Variants in CCDC178 observed in about 807,000 individuals in gnomAD.
CCDC178 encodes coiled-coil domain containing 178, also known as coiled-coil domain-containing protein 178.
In CCDC178, 126 loss-of-function variants were observed where a neutral mutation model predicts 117.4. That is an observed-to-expected ratio of 1.07 (90% CI 0.93 to 1.24). The LOEUF (loss-of-function observed/expected upper bound fraction) is 1.24. Among genes scored for constraint, CCDC178 ranks in the 50% most tolerant of loss-of-function variants. The pLI, the probability that CCDC178 is intolerant of heterozygous loss-of-function variation, is 0.00. For missense variants in CCDC178, 1,030 were observed against 986.9 expected (o/e 1.04, Z -0.59); for synonymous variants, 283 against 313.4 (o/e 0.90, Z 1.02).
chr18:33,147,141 C>CT (rs963180337), intron 20 of CCDC178, among the ~76,000 whole-genome samples: 17,432 of 117,318 alleles, frequency 0.15, 1,666 homozygotes, highest in East Asian at 0.28. Flanking sequence ...TAGCTGATTT[C>CT]TTTTTTTTTT....
intron 5 of CCDC178, among the ~76,000 whole-genome samples, chr18:33,377,160 C>T (rs922647067): frequency 6.6e-6 from 1 of 152,092 alleles, no homozygotes; most frequent in African/African-American, 2.4e-5. Context: ...GTATGAGATG[C>T]TATCTCATTG....
intron 21 of CCDC178, among the ~76,000 whole-genome samples, chr18:33,046,126 A>G (rs1350764047): frequency 6.6e-6 from 1 of 152,228 alleles, no homozygotes; most frequent in African/African-American, 2.4e-5. Flanking sequence ...CTTTACGAAC[A>G]TGAAATAAAT....
intron 11 of CCDC178, among the ~76,000 whole-genome samples, chr18:33,317,926 A>C (rs187274479): frequency 1.3e-5 from 2 of 152,230 alleles, no homozygotes; most frequent in South Asian, 2.1e-4. Flanking sequence ...CCTCATTATA[A>C]TCTCATTTCC....
intron 21 of CCDC178, among the ~76,000 whole-genome samples, chr18:33,049,893 C>G (rs1259633761): frequency 6.6e-6 from 1 of 151,122 alleles, no homozygotes. Context: ...ACCAGCCTGG[C>G]CAACATGGTG....
intron 7 of CCDC178, 40 bp from the exon 8 acceptor site, chr18:33,349,015 A>T (rs746047988): frequency 1.5e-6 from 2 of 1,312,208 alleles, no homozygotes; most frequent in Non-Finnish European, 2.1e-6. Flanking sequence ...AGAAGTACTT[A>T]AAGTTAGTAA....
rs575608507 is a variant in CCDC178, at chr18:33,147,356, A to ATTTTTTTTTTT, written c.2239-54457_2239-54447dup. Among the ~76,000 whole-genome samples, 158 of 94,566 alleles carry ATTTTTTTTTTT rather than the reference A, an allele frequency of 1.7e-3. 3 individuals carry two copies. Among genetic ancestry groups the ATTTTTTTTTTT allele is most frequent in the African/African-American group, 5.6e-3 (119 of 21,300 alleles). The allele number at this position is 94,566 out of a possible 152,430, so 62.0% of individuals were successfully genotyped here. A position where few individuals can be genotyped will look rare whatever the true frequency, so the allele number is the denominator to read the frequency against. On this transcript the variant is annotated intron_variant, in intron 20 of 22. Transcript: ENST00000383096. The stretch of plus-strand genomic sequence containing the variant: ...CTACTCCTGCAAGCTTGCCTTTTTA[A>ATTTTTTTTTTT]TTTTTTTTTTTTTTTTTTTTTTTTT...
chr18:32,977,967 G>C (rs2055062814), intron 21 of CCDC178, among the ~76,000 whole-genome samples: 1 of 152,158 alleles, frequency 6.6e-6, no homozygotes, highest in African/African-American at 2.4e-5. Flanking sequence ...AATTTTGCAA[G>C]TGGGAGCGCT....
At chr18:33,140,476 T>A (rs2058188439) in intron 20 of CCDC178, among the ~76,000 whole-genome samples, 1 of 152,150 alleles carries the variant, frequency 6.6e-6, no homozygotes, top group African/African-American at 2.4e-5. Context: ...CTTGCATCAG[T>A]GTGACCCGGA....
At chr18:33,394,552 G>T (rs1014924162) in intron 4 of CCDC178, among the ~76,000 whole-genome samples, 6 of 151,638 alleles carry the variant, frequency 4.0e-5, no homozygotes, top group Non-Finnish European at 2.9e-5. Flanking sequence ...ACTTAAGAAG[G>T]TTTTTTCATT....
intron 20 of CCDC178, among the ~76,000 whole-genome samples, chr18:33,187,086 G>GGAGAGA (rs58400297): frequency 0.012 from 1,743 of 140,082 alleles, 20 homozygotes; most frequent in Middle Eastern, 0.032. Flanking sequence ...CATGGCGGCA[G>GGAGAGA]GAGAGAGAGA....
intron 21 of CCDC178, among the ~76,000 whole-genome samples, chr18:33,031,553 A>T (rs2056343507): frequency 6.6e-6 from 1 of 152,132 alleles, no homozygotes; most frequent in Non-Finnish European, 1.5e-5. Context: ...AGTACAGAAA[A>T]ACGCACAAGT....
intron 15 of CCDC178, among the ~76,000 whole-genome samples, chr18:33,239,503 T>C (rs1305076607): frequency 7.4e-6 from 1 of 135,402 alleles, no homozygotes; most frequent in Non-Finnish European, 1.6e-5. Flanking sequence ...GTGACGTGGT[T>C]AAAAAAAAAA....
intron 4 of CCDC178, among the ~76,000 whole-genome samples, chr18:33,390,628 C>T (rs897179708): frequency 6.6e-6 from 1 of 152,024 alleles, no homozygotes; most frequent in Admixed American, 6.5e-5. Flanking sequence ...AAGAAAAAGA[C>T]AAAACTAAGC....
At chr18:33,439,847 T>TATG (rs2064353859) in intron 2 of CCDC178, 115 bp downstream of exon 2, 1 of 152,210 alleles carries the variant, frequency 6.6e-6, no homozygotes, top group Non-Finnish European at 1.5e-5. Flanking sequence ...AAGAAAACAA[T>TATG]AATAGAAAAT....
intron 3 of CCDC178, among the ~76,000 whole-genome samples, chr18:33,401,317 TAAAAC>T (rs568086085): frequency 1.3e-5 from 2 of 151,972 alleles, no homozygotes; most frequent in Non-Finnish European, 2.9e-5. Flanking sequence ...AACCTCAAAT[TAAAAC>T]AAAACAAAAC....
chr18:33,379,724 G>T (rs2063416210), intron 5 of CCDC178, among the ~76,000 whole-genome samples: 1 of 152,134 alleles, frequency 6.6e-6, no homozygotes, highest in Non-Finnish European at 1.5e-5. Context: ...CTGAAGATCT[G>T]CCTTTGCATG....
chr18:33,380,865 C>T (rs2063431445), intron 5 of CCDC178, among the ~76,000 whole-genome samples: 1 of 152,206 alleles, frequency 6.6e-6, no homozygotes, highest in African/African-American at 2.4e-5. Flanking sequence ...TGGTTTTAAA[C>T]ATTCGGATTT....
At chr18:33,385,690 A>G (rs1347102624) in intron 5 of CCDC178, among the ~76,000 whole-genome samples, 1 of 152,214 alleles carries the variant, frequency 6.6e-6, no homozygotes, top group East Asian at 1.9e-4. Context: ...ATGTATCAGA[A>G]TCTCTGGGAT....
intron 20 of CCDC178, among the ~76,000 whole-genome samples, chr18:33,175,203 T>C (rs1180350012): frequency 6.6e-6 from 1 of 152,034 alleles, no homozygotes; most frequent in Admixed American, 6.6e-5. Flanking sequence ...TATCCTTCTT[T>C]GCTTATGTAT....
Sources: allele counts gnomAD v4.1 joint callset (sites outside exome capture counted in the v4.1 genomes callset), GRCh38; gene constraint gnomAD v4.1.1; transcripts MANE v1.5; gene names NCBI Gene and HGNC (gene_info 2026-07-23, HGNC 2026-07-21).